TMEM132B: variants seen among roughly 807,000 people sequenced by gnomAD.
TMEM132B encodes transmembrane protein 132B.
A neutral mutation model predicts 90.8 loss-of-function variants in TMEM132B; 18 were observed. The ratio of observed to expected loss-of-function variants is 0.20; its 90% CI spans 0.14 to 0.29. The LOEUF (loss-of-function observed/expected upper bound fraction) is 0.29. Ranked by LOEUF, TMEM132B falls within the 10% of genes least tolerant of loss-of-function variation. TMEM132B has a pLI of 1.00. For synonymous variants in TMEM132B, 504 were observed against 523.3 expected (o/e 0.96, Z 0.50); for missense variants, 1,096 against 1,326.8 (o/e 0.83, Z 2.70).
In TMEM132B at chr12:125,654,636, G is replaced by T. The variant is rs1424483492; in HGVS notation, c.3178G>T (p.Val1060Phe). Residue 1060 changes from valine (V) to phenylalanine (F), a missense_variant, in exon 9 of 9, where the codon GTC (valine) becomes TTC (phenylalanine). By Grantham distance (50) the Val-to-Phe change is conservative. Coordinates refer to ENST00000682704, the MANE Select transcript of TMEM132B (RefSeq NM_001366854.1). This position sits in a 1 kb window ranked among gnomAD's most constrained non-coding sequence, Gnocchi z 5.8. ...TGACAGCGATGATAACATCAAGTGGGTCTGCCAAGATATGGGGCTGGGGGA... is the reference window on the plus strand; with the variant it reads ...TGACAGCGATGATAACATCAAGTGGTTCTGCCAAGATATGGGGCTGGGGGA... ...LFDSDDNIKW[V>F]CQDMGLGDSQ... The T allele has an allele frequency of 6.2e-7, 1 of 1,614,200 alleles. No individual in the cohort carries two copies. Among genetic ancestry groups the T allele is most frequent in the Non-Finnish European group, 8.5e-7 (1 of 1,180,040 alleles).
At chr12:125,218,187 T>C (rs1337549219) in intron 1 of TMEM132B, among the ~76,000 whole-genome samples, 1 of 152,068 alleles carries the variant, frequency 6.6e-6, no homozygotes, top group Non-Finnish European at 1.5e-5. Flanking sequence ...GGGAGGGTAA[T>C]GGATTGCCTG....
chr12:125,322,889 T>TAC (rs1184600771), intron 1 of TMEM132B, among the ~76,000 whole-genome samples: 1 of 151,818 alleles, frequency 6.6e-6, no homozygotes, highest in Non-Finnish European at 1.5e-5. Flanking sequence ...TATGCATATA[T>TAC]ATATATATGC....
At chr12:125,229,429 C>T (rs1404225779) in intron 1 of TMEM132B, among the ~76,000 whole-genome samples, 1 of 152,210 alleles carries the variant, frequency 6.6e-6, no homozygotes, top group Non-Finnish European at 1.5e-5. Flanking sequence ...CTTCCATTAC[C>T]TGCCTCTTAG....
At chr12:125,411,847 G>A (rs974182991) in intron 2 of TMEM132B, among the ~76,000 whole-genome samples, 3 of 152,184 alleles carry the variant, frequency 2.0e-5, no homozygotes, top group African/African-American at 4.8e-5. Flanking sequence ...TGGTCCTGAT[G>A]TGCAGCCTGC....
At chr12:125,203,367 G>C (rs950215284) in intron 1 of TMEM132B, among the ~76,000 whole-genome samples, 7 of 152,190 alleles carry the variant, frequency 4.6e-5, no homozygotes, top group African/African-American at 1.7e-4. Context: ...GTGCACAGCT[G>C]CACACAGAAA....
At chr12:125,420,227 T>C (rs1050757450) in intron 3 of TMEM132B, among the ~76,000 whole-genome samples, 1 of 152,238 alleles carries the variant, frequency 6.6e-6, no homozygotes, top group Admixed American at 6.5e-5. Flanking sequence ...ATCCCACATT[T>C]CCCTTCTGTA....
intron 3 of TMEM132B, among the ~76,000 whole-genome samples, chr12:125,431,586 C>A (rs181253865): frequency 2.6e-5 from 4 of 152,104 alleles, no homozygotes; most frequent in African/African-American, 9.7e-5. Flanking sequence ...CTGTGGGCCA[C>A]GGCTGCTTTT....
At chr12:125,465,911 C>T (rs955855086) in intron 3 of TMEM132B, among the ~76,000 whole-genome samples, 1 of 152,182 alleles carries the variant, frequency 6.6e-6, no homozygotes, top group African/African-American at 2.4e-5. Context: ...GCTCCTCTTC[C>T]CCTTCTGCTG....
chr12:125,390,459 C>T (rs759313131), intron 2 of TMEM132B, among the ~76,000 whole-genome samples: 3 of 152,144 alleles, frequency 2.0e-5, no homozygotes, highest in African/African-American at 2.4e-5. Flanking sequence ...CTTAAAAATA[C>T]GTCTACAAAT....
chr12:125,274,000 C>T (rs1351134474), intron 1 of TMEM132B, among the ~76,000 whole-genome samples: 1 of 152,166 alleles, frequency 6.6e-6, no homozygotes, highest in Non-Finnish European at 1.5e-5. Flanking sequence ...TGCTCTTCCC[C>T]AGTCTCATTC....
chr12:125,330,337 T>TTTC, intron 1 of TMEM132B, among the ~76,000 whole-genome samples: 1 of 139,800 alleles, frequency 7.2e-6, no homozygotes, highest in African/African-American at 3.0e-5. Flanking sequence ...GGGTTTCTTT[T>TTTC]TTTTTTTTTT....
At chr12:125,416,069 T>G (rs1367478584) in intron 3 of TMEM132B, among the ~76,000 whole-genome samples, 1 of 152,170 alleles carries the variant, frequency 6.6e-6, no homozygotes, top group African/African-American at 2.4e-5. Flanking sequence ...ACTTGGGAAT[T>G]GGCACATGGC....
intron 1 of TMEM132B, among the ~76,000 whole-genome samples, chr12:125,272,565 T>C (rs1874867879): frequency 6.6e-6 from 1 of 152,052 alleles, no homozygotes; most frequent in Admixed American, 6.6e-5. Context: ...CTGAGAGCTC[T>C]TGGATTAAAA....
In TMEM132B at chr12:125,612,353, C is replaced by T. The variant is rs550145015; in HGVS notation, c.1437+28359C>T. On this transcript the variant is annotated intron_variant, in intron 5 of 8. Transcript: ENST00000682704. ...AGGTGCATGCCTGTAATCCTAGCTA[C>T]TCAGGAGGCTGAGGCAGGAGAATCG... Among the ~76,000 whole-genome samples the T allele has an allele frequency of 3.4e-3, 514 of 151,740 alleles. 5 individuals are homozygous for T. The highest frequency in any genetic ancestry group is 0.012 in the African/African-American group (494 of 41,394).
chr12:125,642,065 C>A (rs1474973797), intron 5 of TMEM132B, among the ~76,000 whole-genome samples: 1 of 152,154 alleles, frequency 6.6e-6, no homozygotes, highest in Non-Finnish European at 1.5e-5. Context: ...ACAGGCAGAA[C>A]AAGCAGTGAG....
At chr12:125,324,351 G>A (rs1876504154) in intron 1 of TMEM132B, among the ~76,000 whole-genome samples, 2 of 152,166 alleles carry the variant, frequency 1.3e-5, no homozygotes, top group South Asian at 2.1e-4. Context: ...CTGCCTCCAC[G>A]AAGAACCTTG....
chr12:125,471,293 A>G (rs1022885259), intron 3 of TMEM132B, among the ~76,000 whole-genome samples: 2 of 151,912 alleles, frequency 1.3e-5, no homozygotes, highest in African/African-American at 2.4e-5. Flanking sequence ...TGTATGGGGG[A>G]CAGGATGTGT....
chr12:125,589,259 G>T (rs1885252702), intron 5 of TMEM132B, among the ~76,000 whole-genome samples: 2 of 152,150 alleles, frequency 1.3e-5, no homozygotes, highest in South Asian at 4.1e-4. Context: ...AAGGCGGGCA[G>T]ATCACGAGGT....
intron 3 of TMEM132B, among the ~76,000 whole-genome samples, chr12:125,497,327 G>T (rs1333365879): frequency 6.6e-6 from 1 of 152,158 alleles, no homozygotes; most frequent in South Asian, 2.1e-4. Context: ...TAGCAATCTG[G>T]GATTTTCCTT....
Sources: allele counts gnomAD v4.1 joint callset (sites outside exome capture counted in the v4.1 genomes callset), GRCh38; gene constraint gnomAD v4.1.1; non-coding constraint Gnocchi (gnomAD v3.1); transcripts MANE v1.5; gene names NCBI Gene and HGNC (gene_info 2026-07-23, HGNC 2026-07-21).